The following INTS6 variants were observed in gnomAD, a reference collection of about 807,000 sequenced individuals.
The protein encoded by INTS6 is integrator complex subunit 6.
INTS6 carries 16 observed loss-of-function variants against 104.9 expected under a neutral mutation model. The ratio of observed to expected loss-of-function variants is 0.15; its 90% CI spans 0.10 to 0.23. The LOEUF is 0.23. Among genes scored for constraint, INTS6 ranks in the 10% least tolerant of loss-of-function variants. INTS6 has a pLI of 1.00. For synonymous variants in INTS6, 324 were observed against 358.7 expected, an observed-to-expected ratio of 0.90 and a Z score of 1.09; for missense variants, 584 against 1,062.8, an observed-to-expected ratio of 0.55 and a Z score of 6.26.
intron 4 of INTS6, among the ~76,000 whole-genome samples, chr13:51,411,492 G>A (rs1956686749): frequency 6.6e-6 from 1 of 151,638 alleles, no homozygotes; most frequent in Non-Finnish European, 1.5e-5. Context: ...GGCAGAGGTT[G>A]CAGTGAGCTG....
At chr13:51,388,777 A>ATATC (rs1956191591) in intron 6 of INTS6, among the ~76,000 whole-genome samples, 1 of 152,214 alleles carries the variant, frequency 6.6e-6, no homozygotes, top group South Asian at 2.1e-4. Flanking sequence ...ATAACTCCTT[A>ATATC]TATCCACTGG....
intron 16 of INTS6, among the ~76,000 whole-genome samples, chr13:51,368,636 C>T (rs531675666): frequency 6.6e-6 from 1 of 152,244 alleles, no homozygotes; most frequent in African/African-American, 2.4e-5. Context: ...CTCTTGTGAG[C>T]TAGCTGCTAT....
intron 4 of INTS6, chr13:51,423,106 A>G: frequency 3.2e-6 from 4 of 1,242,662 alleles, no homozygotes; most frequent in South Asian, 1.3e-5. Flanking sequence ...ACATAAATAT[A>G]GAACTAAATA....
chr13:51,344,645 T>C, the INTS6 span, among the ~76,000 whole-genome samples: 1 of 152,258 alleles, frequency 6.6e-6, no homozygotes, highest in East Asian at 1.9e-4. Flanking sequence ...AAGGGGACAC[T>C]AAGTCCCTTT....
chr13:51,449,237 A>G (rs185069389), intron 3 of INTS6: 289 of 152,682 alleles, frequency 1.9e-3, no homozygotes, highest in Non-Finnish European at 3.0e-3. Flanking sequence ...AGTGAGAAGC[A>G]TCATCCCTCT....
Position 51,369,214 on chromosome 13 carries a change from G to A in INTS6, c.2201C>T (p.Thr734Met), listed in dbSNP as rs772715089. The change falls in exon 16 of 18, where the codon ACG becomes ATG. Residue 734 changes from threonine to methionine, a missense_variant. This residue lies in a region of INTS6 where 296 missense variants were observed against 437.0 expected (regional missense o/e 0.68). Transcript: ENST00000311234. ...SSDITPNAMDTEFSASSPASL... is the reference protein window; with the variant it reads ...SSDITPNAMDMEFSASSPASL... ...GGCTGGAGAAGATGCTGAAAATTCC[G>A]TATCCATAGCATTTGGTGTAATGTC... 2.9e-5 allele frequency: 47 copies of A among 1,613,778 alleles called. 1 individual carries two copies. In the South Asian group the frequency reaches 4.2e-4, roughly 14 times the overall value.
the INTS6 span, chr13:51,344,185 C>A: frequency 2.7e-6 from 3 of 1,122,238 alleles, no homozygotes; most frequent in Non-Finnish European, 4.0e-6. Flanking sequence ...GCAATGTGTG[C>A]TGGAGGTTGT....
chr13:51,348,403 C>G, the INTS6 span: 1 of 1,613,200 alleles, frequency 6.2e-7, no homozygotes, highest in Non-Finnish European at 8.5e-7. Context: ...TGGATGTGTT[C>G]CTGCCCAGGT....
At chr13:51,423,957 G>A (rs1467362612) in intron 4 of INTS6, among the ~76,000 whole-genome samples, 1 of 151,968 alleles carries the variant, frequency 6.6e-6, no homozygotes, top group Non-Finnish European at 1.5e-5. Context: ...TCCTTACCCA[G>A]ATCAACTGAA....
In INTS6 at chr13:51,452,343, G is replaced by A. The variant is rs12870580; in HGVS notation, c.111+72C>T. 81 of 1,291,810 alleles carry A rather than the reference G, an allele frequency of 6.3e-5. No homozygotes were observed. The highest frequency in any genetic ancestry group is 7.8e-5 in the Non-Finnish European group (79 of 1,017,484). 80.0% of individuals were successfully genotyped at this position (1,291,810 alleles called of 1,614,324 possible). On this transcript the variant is annotated intron_variant, in intron 1 of 17. Transcript: ENST00000311234. This position sits in a 1 kb window ranked among gnomAD's most constrained non-coding sequence, Gnocchi z 4.2. ...TCAGGTCCCCGACACCCCCGCCCCG[G>A]CCGCCCTCCCCCACCCTGCCGCCCG...
chr13:51,386,514 C>T (rs1956143495), intron 7 of INTS6, among the ~76,000 whole-genome samples: 1 of 152,108 alleles, frequency 6.6e-6, no homozygotes, highest in Non-Finnish European at 1.5e-5. Flanking sequence ...ACCTTAACTT[C>T]ATGCACTACT....
chr13:51,374,187 TAAG>T lies in INTS6; in HGVS notation c.2104+18_2104+20del. 1.3e-6 allele frequency: 2 copies of T among 1,586,522 alleles called. No individual in the cohort carries two copies. Among genetic ancestry groups the T allele is most frequent in the Non-Finnish European group, 1.7e-6 (2 of 1,156,418 alleles). On this transcript the variant is annotated intron_variant, in intron 15 of 17. Transcript: ENST00000311234. ...GAACCAAAAGGCAGCAAATAATGTT[TAAG>T]AAAAAAACAATTCTTACTTTTATGA...
the INTS6 span, chr13:51,347,042 G>A: frequency 3.2e-6 from 5 of 1,585,440 alleles, no homozygotes; most frequent in African/African-American, 6.7e-5. Flanking sequence ...CCCCAGTGAG[G>A]GCCCTGGTGG....
intron 3 of INTS6, among the ~76,000 whole-genome samples, chr13:51,434,138 G>A (rs1159250336): frequency 2.6e-5 from 4 of 152,114 alleles, no homozygotes; most frequent in African/African-American, 7.2e-5. Context: ...TAATCAGATT[G>A]TTTTGTTTTT....
the INTS6 span, among the ~76,000 whole-genome samples, chr13:51,342,260 G>A: frequency 2.6e-5 from 4 of 151,610 alleles, no homozygotes; most frequent in African/African-American, 9.7e-5. Flanking sequence ...GTCCTAGGCA[G>A]GGTCATCCCG....
chr13:51,426,323 C>CA (rs1956985189), intron 4 of INTS6, among the ~76,000 whole-genome samples: 1 of 151,982 alleles, frequency 6.6e-6, no homozygotes, highest in Non-Finnish European at 1.5e-5. Flanking sequence ...GGTCAAGAGA[C>CA]AATATGGCAC....
intron 15 of INTS6, among the ~76,000 whole-genome samples, chr13:51,372,278 A>T (rs1955822315): frequency 6.6e-6 from 1 of 150,922 alleles, no homozygotes; most frequent in Non-Finnish European, 1.5e-5. Context: ...AAGACCACAG[A>T]ATCTTTCCAT....
chr13:51,391,361 G>A (rs1466955919), intron 5 of INTS6, among the ~76,000 whole-genome samples: 1 of 151,818 alleles, frequency 6.6e-6, no homozygotes, highest in East Asian at 1.9e-4. Context: ...ATCTTAACAC[G>A]AAATAAAATT....
At chr13:51,369,346 C>G (rs1007953826) in intron 15 of INTS6, 36 bp from the exon 16 acceptor site, 2 of 1,563,534 alleles carry the variant, frequency 1.3e-6, no homozygotes, top group Middle Eastern at 1.7e-4. Flanking sequence ...ATTATGGGAT[C>G]CAGTCTCAAA....
Sources: allele counts gnomAD v4.1 joint callset (sites outside exome capture counted in the v4.1 genomes callset), GRCh38; gene constraint gnomAD v4.1.1; regional missense constraint gnomAD v4.1.1; non-coding constraint Gnocchi (gnomAD v3.1); transcripts MANE v1.5; gene names NCBI Gene and HGNC (gene_info 2026-07-23, HGNC 2026-07-21).